The following RAP1GAP2 variants were observed in gnomAD, a reference collection of about 807,000 sequenced individuals.
RAP1GAP2 encodes the protein RAP1 GTPase activating protein 2.
A neutral mutation model predicts 95.0 loss-of-function variants in RAP1GAP2; 27 were observed. The observed-to-expected ratio is 0.28, with a 90% CI of 0.21 to 0.39. The LOEUF is 0.39. Among genes scored for constraint, RAP1GAP2 ranks in the 10% least tolerant of loss-of-function variants. The probability of loss-of-function intolerance (pLI) is 1.00; values close to 1 mark genes in which losing one functional copy is unlikely to be tolerated. For missense variants in RAP1GAP2, 771 were observed against 970.0 expected (o/e 0.79, Z 2.72); for synonymous variants, 373 against 380.9 (o/e 0.98, Z 0.24).
At chr17:2,778,099 A>G (rs1254174043) in intron 1 of RAP1GAP2, among the ~76,000 whole-genome samples, 1 of 149,606 alleles carries the variant, frequency 6.7e-6, no homozygotes, top group African/African-American at 2.5e-5. Context: ...AAGTCCCAGC[A>G]CATCTTCTCG....
intron 13 of RAP1GAP2, among the ~76,000 whole-genome samples, chr17:2,995,667 T>G (rs1391038995): frequency 1.3e-5 from 2 of 152,244 alleles, no homozygotes; most frequent in African/African-American, 4.8e-5. Flanking sequence ...CTGTTGTGTT[T>G]CTGGCCGAGG....
intron 3 of RAP1GAP2, among the ~76,000 whole-genome samples, chr17:2,951,615 G>A (rs186572040): frequency 6.6e-6 from 1 of 152,228 alleles, no homozygotes; most frequent in Admixed American, 6.5e-5. Context: ...CTACTTGGGA[G>A]GCTGGGGTGG....
At position 2,965,815 on chromosome 17, in the gene RAP1GAP2, C is replaced by G. The variant is rs967973369; in HGVS notation, c.596+172C>G. ...TGGGGCTGTGTCTGAAGTTGCCTAG[C>G]AGGGAGACCCACGCGCTCCACCAGT... On this transcript the variant is annotated intron_variant, in intron 8 of 24. Transcript: ENST00000254695. This position sits in a 1 kb window ranked among gnomAD's most constrained non-coding sequence, Gnocchi z 4.7. The G allele has an allele frequency of 5.8e-5, 35 of 603,828 alleles. No individual in the cohort carries two copies. The Admixed American group carries it at 7.4e-4, about 13-fold the overall frequency. 37.4% of individuals were successfully genotyped at this position (603,828 alleles called of 1,614,324 possible).
intron 2 of RAP1GAP2, among the ~76,000 whole-genome samples, chr17:2,824,782 C>T (rs1279705696): frequency 2.0e-5 from 3 of 147,420 alleles, no homozygotes; most frequent in Non-Finnish European, 4.5e-5. Flanking sequence ...ATATGGGTCA[C>T]AAATTCTGTT....
intron 16 of RAP1GAP2, 79 bp downstream of exon 16, chr17:3,006,120 C>CTT (rs537126167): frequency 0.012 from 4,826 of 405,922 alleles, 78 homozygotes; most frequent in East Asian, 0.039. Context: ...GCTCCTCCAT[C>CTT]TTTTTTTTTT....
chr17:2,958,619 G>T (rs60055243), intron 4 of RAP1GAP2, among the ~76,000 whole-genome samples: 17,296 of 152,004 alleles, frequency 0.11, 1,038 homozygotes, highest in South Asian at 0.18. Flanking sequence ...GAAAATCGAG[G>T]CACAGAACAA....
intron 17 of RAP1GAP2, among the ~76,000 whole-genome samples, chr17:3,014,644 G>A (rs1787759023): frequency 6.6e-6 from 1 of 150,570 alleles, no homozygotes; most frequent in African/African-American, 2.5e-5. Flanking sequence ...CAGCCTCCTG[G>A]ATTCAAGCAA....
intron 2 of RAP1GAP2, chr17:2,854,113 G>T (rs1239317802): frequency 1.0e-6 from 1 of 985,348 alleles, no homozygotes; most frequent in Non-Finnish European, 1.2e-6. Flanking sequence ...GTAAACCCCT[G>T]CAGCGCCGGC....
chr17:2,834,621 A>G (rs1386513008), intron 2 of RAP1GAP2, among the ~76,000 whole-genome samples: 1 of 152,034 alleles, frequency 6.6e-6, no homozygotes, highest in Non-Finnish European at 1.5e-5. Context: ...ACGTGGCAAA[A>G]CCCCATCTCT....
chr17:2,865,254 C>T (rs543781305), intron 2 of RAP1GAP2, among the ~76,000 whole-genome samples: 2 of 152,320 alleles, frequency 1.3e-5, no homozygotes, highest in East Asian at 3.9e-4. Flanking sequence ...CTCCAAAACT[C>T]TGTTTTGGGT....
intron 2 of RAP1GAP2, among the ~76,000 whole-genome samples, chr17:2,802,665 C>G (rs372905283): frequency 6.6e-6 from 1 of 151,986 alleles, no homozygotes; most frequent in Non-Finnish European, 1.5e-5. Context: ...GAGGCGAGAT[C>G]GCACCACAGC....
intron 20 of RAP1GAP2, 57 bp from the exon 21 acceptor site, chr17:3,026,292 TG>T: frequency 7.0e-7 from 1 of 1,438,482 alleles, no homozygotes; most frequent in Non-Finnish European, 9.6e-7. Flanking sequence ...GGGAGGACCC[TG>T]GGGGTGGAGG....
At chr17:2,921,591 G>A (rs535184913) in intron 3 of RAP1GAP2, among the ~76,000 whole-genome samples, 42 of 151,714 alleles carry the variant, frequency 2.8e-4, no homozygotes, top group African/African-American at 9.9e-4. Context: ...GGCCTTTAAG[G>A]TGTCTGCAGG....
intron 11 of RAP1GAP2, among the ~76,000 whole-genome samples, chr17:2,989,766 A>C (rs755605286): frequency 6.6e-6 from 1 of 152,092 alleles, no homozygotes; most frequent in Non-Finnish European, 1.5e-5. Flanking sequence ...AATGTTATGT[A>C]ATTTATATCT....
chr17:2,796,354 C>T, upstream of RAP1GAP2: 1 of 687,384 alleles, frequency 1.5e-6, no homozygotes, highest in Non-Finnish European at 2.6e-6. The surrounding 1 kb of genome is among the most constrained non-coding windows in gnomAD (Gnocchi z 4.7). Context: ...CACCTCCCAG[C>T]TCTGCAGCCT....
At chr17:2,756,485 C>T (rs1597255611) in intron 1 of RAP1GAP2, among the ~76,000 whole-genome samples, 1 of 152,164 alleles carries the variant, frequency 6.6e-6, no homozygotes, top group Non-Finnish European at 1.5e-5. Flanking sequence ...CCCAGGGTTC[C>T]AGGTGTCCCA....
At chr17:2,981,283 G>A (rs1326058098) in intron 10 of RAP1GAP2, 35 bp downstream of exon 10, 1 of 1,572,316 alleles carries the variant, frequency 6.4e-7, no homozygotes, top group Non-Finnish European at 8.7e-7. Flanking sequence ...TAGGGGCCCT[G>A]CAGCTTGGCA....
intron 3 of RAP1GAP2, among the ~76,000 whole-genome samples, chr17:2,929,929 C>T (rs1036429349): frequency 1.3e-5 from 2 of 151,958 alleles, no homozygotes; most frequent in African/African-American, 4.8e-5. Context: ...CTTCAGGCCT[C>T]GGCGGGGGGC....
At chr17:2,844,622 G>A (rs753239441) in intron 2 of RAP1GAP2, among the ~76,000 whole-genome samples, 1 of 152,224 alleles carries the variant, frequency 6.6e-6, no homozygotes, top group Non-Finnish European at 1.5e-5. Flanking sequence ...TAGGGAAGAT[G>A]AGCTTTGTGT....
Sources: gnomAD v4.1 joint callset for allele counts (sites outside exome capture counted in the v4.1 genomes callset) on GRCh38, gnomAD v4.1.1 for gene constraint, Gnocchi (gnomAD v3.1) non-coding constraint, MANE v1.5 for transcripts, NCBI Gene and HGNC (gene_info 2026-07-23, HGNC 2026-07-21) for gene names.